DOCK4: variants seen among roughly 807,000 people sequenced by gnomAD.
DOCK4 encodes dedicator of cytokinesis protein 4.
In DOCK4, 97 loss-of-function variants were observed where a neutral mutation model predicts 268.1. That is an observed-to-expected ratio of 0.36 (90% CI 0.31 to 0.43). DOCK4 has a LOEUF of 0.43. Among genes scored for constraint, DOCK4 ranks in the 20% least tolerant of loss-of-function variants. The pLI, the probability that DOCK4 is intolerant of heterozygous loss-of-function variation, is 1.00. For missense variants in DOCK4, 2,145 were observed against 2,455.7 expected (o/e 0.87, Z 2.67); for synonymous variants, 954 against 887.2 (o/e 1.08, Z -1.34).
At chr7:112,014,495 G>A (rs1013757455) in intron 1 of DOCK4, among the ~76,000 whole-genome samples, 1 of 152,088 alleles carries the variant, frequency 6.6e-6, no homozygotes, top group African/African-American at 2.4e-5. Context: ...TTAAAGTGCT[G>A]ATGTACTCTC....
intron 13 of DOCK4, among the ~76,000 whole-genome samples, chr7:111,904,526 C>T (rs1168176270): frequency 6.6e-6 from 1 of 152,060 alleles, no homozygotes; most frequent in African/African-American, 2.4e-5. Context: ...CAGTGTTCGA[C>T]AAAGGAGTAA....
At chr7:111,760,536 A>G (rs543524970) in intron 39 of DOCK4, among the ~76,000 whole-genome samples, 2 of 152,324 alleles carry the variant, frequency 1.3e-5, no homozygotes, top group East Asian at 1.9e-4. Context: ...ATAAGGCCCA[A>G]TAGAATGCCT....
chr7:111,767,836 A>C (rs1448145089), intron 37 of DOCK4, among the ~76,000 whole-genome samples: 10 of 152,056 alleles, frequency 6.6e-5, no homozygotes, highest in Admixed American at 5.9e-4. Context: ...TTGTGCTTGC[A>C]AATTGTGAGA....
intron 8 of DOCK4, among the ~76,000 whole-genome samples, chr7:111,948,027 C>T (rs1388120343): frequency 6.6e-6 from 1 of 152,076 alleles, no homozygotes; most frequent in Non-Finnish European, 1.5e-5. Context: ...CAGGCCTGGA[C>T]TATTTCAAAT....
chr7:112,008,725 G>T (rs1320519373), intron 1 of DOCK4, among the ~76,000 whole-genome samples: 1 of 152,222 alleles, frequency 6.6e-6, no homozygotes, highest in Admixed American at 6.5e-5. Flanking sequence ...CAGGCACACT[G>T]GCTTATGCCT....
At chr7:112,067,038 G>T (rs1056014575) in intron 1 of DOCK4, among the ~76,000 whole-genome samples, 10 of 151,016 alleles carry the variant, frequency 6.6e-5, no homozygotes, top group African/African-American at 2.2e-4. Context: ...AACCCACTGG[G>T]CATAGTGATA....
At chr7:111,824,540 CAG>C (rs1230738637) in intron 26 of DOCK4, among the ~76,000 whole-genome samples, 1 of 151,886 alleles carries the variant, frequency 6.6e-6, no homozygotes, top group East Asian at 1.9e-4. Context: ...AAACTGGAGG[CAG>C]CACTCTTAGT....
rs1471558336 is a variant in DOCK4 at position 111,727,014 on chromosome 7, A to C, written c.*1260T>G. 1 of 152,654 alleles carries C rather than the reference A, an allele frequency of 6.6e-6. No individual in the cohort carries two copies. The highest frequency in any genetic ancestry group is 1.9e-4 in the East Asian group (1 of 5,202). The allele number at this position is 152,654 out of a possible 1,614,324, so 9.5% of individuals were successfully genotyped here. A position where few individuals can be genotyped will look rare whatever the true frequency, so the allele number is the denominator to read the frequency against. On this transcript the variant is annotated 3_prime_UTR_variant, in exon 53 of 53. Transcript: ENST00000428084. ...GGGAAAATATTTAACAGTATGATTT[A>C]AAATACAGTTCATATCTATTGTCAA...
chr7:111,904,919 C>T (rs959305597), intron 13 of DOCK4, among the ~76,000 whole-genome samples: 2 of 152,190 alleles, frequency 1.3e-5, no homozygotes, highest in African/African-American at 4.8e-5. Context: ...CATACGTATG[C>T]TTTAATTTTC....
At chr7:111,896,819 G>A (rs903677330) in intron 15 of DOCK4, among the ~76,000 whole-genome samples, 4 of 152,082 alleles carry the variant, frequency 2.6e-5, no homozygotes, top group African/African-American at 4.8e-5. Context: ...TGTCTGGCTG[G>A]TGCTGGTCCC....
intron 1 of DOCK4, among the ~76,000 whole-genome samples, chr7:112,163,773 T>C (rs1035034437): frequency 2.0e-5 from 3 of 152,212 alleles, no homozygotes; most frequent in Non-Finnish European, 4.4e-5. Context: ...AGCCAGTAAG[T>C]AGACTTGAAC....
At chr7:112,092,245 A>G (rs990478310) in intron 1 of DOCK4, among the ~76,000 whole-genome samples, 2 of 152,202 alleles carry the variant, frequency 1.3e-5, no homozygotes, top group Non-Finnish European at 2.9e-5. Flanking sequence ...TCCACCACGC[A>G]GTATGTTTGC....
At chr7:111,937,108 A>AAAACAAAC (rs149708258) in intron 11 of DOCK4, among the ~76,000 whole-genome samples, 1 of 151,928 alleles carries the variant, frequency 6.6e-6, no homozygotes, top group Non-Finnish European at 1.5e-5. Flanking sequence ...CTCAAAACTC[A>AAAACAAAC]AAACAAACAA....
chr7:112,021,743 A>C (rs1275108887), intron 1 of DOCK4, among the ~76,000 whole-genome samples: 1 of 152,194 alleles, frequency 6.6e-6, no homozygotes, highest in African/African-American at 2.4e-5. Context: ...ATATTTCCTC[A>C]GAGGGTTCCC....
intron 1 of DOCK4, among the ~76,000 whole-genome samples, chr7:112,178,442 A>T (rs986759858): frequency 2.4e-4 from 37 of 152,216 alleles, no homozygotes; most frequent in African/African-American, 8.9e-4. Flanking sequence ...ATCATCGGTA[A>T]CAGCCCCTGC....
At chr7:111,824,423 G>A (rs1802241500) in intron 26 of DOCK4, among the ~76,000 whole-genome samples, 1 of 152,116 alleles carries the variant, frequency 6.6e-6, no homozygotes, top group Non-Finnish European at 1.5e-5. Context: ...AGTCATGAGA[G>A]TGGGGATTCT....
chr7:112,096,712 T>C (rs142259580), intron 1 of DOCK4, among the ~76,000 whole-genome samples: 2 of 152,286 alleles, frequency 1.3e-5, no homozygotes, highest in Non-Finnish European at 2.9e-5. Context: ...AATGAGGCAT[T>C]CTAGAATGAG....
In DOCK4 at chr7:112,022,832, G is replaced by A. The variant is rs142253324; in HGVS notation, c.38-18701C>T. 2.2e-3 allele frequency among the ~76,000 whole-genome samples: 332 copies of A among 152,220 alleles called. 2 individuals are homozygous for A. Among genetic ancestry groups the A allele is most frequent in the African/African-American group, 7.5e-3 (312 of 41,530 alleles). On this transcript the variant is annotated intron_variant, in intron 1 of 52. Coordinates refer to ENST00000428084, the MANE Select transcript of DOCK4 (RefSeq NM_001363540.2). ...TCTTAATATCCAAACTCTGGTTCCC[G>A]GGCTGCAATTTCCTGCTAAGGAAGT...
chr7:111,809,018 G>A lies in DOCK4; in HGVS notation c.3108-139C>T, dbSNP rs1449844456. ...TAAAGACATTTAATATACATGTCACGATGCCTCTAAGTCAAATTCTGGTGT... is the reference window on the plus strand; with the variant it reads ...TAAAGACATTTAATATACATGTCACAATGCCTCTAAGTCAAATTCTGGTGT... On this transcript the variant is annotated intron_variant, in intron 29 of 52. Transcript: ENST00000428084. The A allele has an allele frequency of 9.6e-6, 9 of 933,506 alleles. No homozygotes were observed. In the East Asian group the frequency reaches 1.8e-4, roughly 19 times the overall value. The allele number at this position is 933,506 out of a possible 1,614,324, so 57.8% of individuals were successfully genotyped here.
Sources: gnomAD v4.1 joint callset for allele counts (sites outside exome capture counted in the v4.1 genomes callset) on GRCh38, gnomAD v4.1.1 for gene constraint, MANE v1.5 for transcripts, NCBI Gene and HGNC (gene_info 2026-07-23, HGNC 2026-07-21) for gene names.